The following TLL1 variants were observed in gnomAD, a reference collection of about 807,000 sequenced individuals.
TLL1 encodes tolloid like 1.
In TLL1, 49 loss-of-function variants were observed where a neutral mutation model predicts 128.2. That is an observed-to-expected ratio of 0.38 (90% confidence interval 0.30 to 0.48). TLL1 has a LOEUF of 0.48. Among genes scored for constraint, TLL1 ranks in the 20% least tolerant of loss-of-function variants. The probability of loss-of-function intolerance (pLI) is 0.96; values close to 1 mark genes in which losing one functional copy is unlikely to be tolerated. For missense variants in TLL1, 1,123 were observed against 1,242.0 expected (o/e 0.90, Z 1.44); for synonymous variants, 454 against 418.8 (o/e 1.08, Z -1.03).
intron 5 of TLL1, among the ~76,000 whole-genome samples, chr4:165,996,468 G>A (rs955078553): frequency 5.3e-5 from 8 of 152,088 alleles, no homozygotes; most frequent in African/African-American, 9.7e-5. Flanking sequence ...AATTAGCCAG[G>A]TGTGTTGGCG....
intron 1 of TLL1, among the ~76,000 whole-genome samples, chr4:165,950,147 T>C (rs1046319067): frequency 6.6e-6 from 1 of 152,038 alleles, no homozygotes; most frequent in African/African-American, 2.4e-5. Context: ...TAAAGAAGAC[T>C]TCAGAACCAG....
At chr4:165,933,088 C>G (rs1178708421) in intron 1 of TLL1, among the ~76,000 whole-genome samples, 1 of 152,194 alleles carries the variant, frequency 6.6e-6, no homozygotes, top group African/African-American at 2.4e-5. Context: ...ATACTCTAGC[C>G]TATCACATGT....
At chr4:165,946,790 A>G (rs763304724) in intron 1 of TLL1, among the ~76,000 whole-genome samples, 2 of 152,142 alleles carry the variant, frequency 1.3e-5, no homozygotes, top group Non-Finnish European at 2.9e-5. Flanking sequence ...GAGGAACATT[A>G]TAGAAAAAGC....
intron 1 of TLL1, among the ~76,000 whole-genome samples, chr4:165,940,266 A>C (rs1196360118): frequency 6.6e-6 from 1 of 151,990 alleles, no homozygotes; most frequent in Non-Finnish European, 1.5e-5. Flanking sequence ...TTGGCAATTA[A>C]ATCTGTTTGG....
intron 1 of TLL1, among the ~76,000 whole-genome samples, chr4:165,894,039 A>G (rs1561011064): frequency 6.6e-6 from 1 of 152,228 alleles, no homozygotes; most frequent in Non-Finnish European, 1.5e-5. Flanking sequence ...TTATCATTAG[A>G]CAAATGGTAG....
intron 3 of TLL1, among the ~76,000 whole-genome samples, chr4:165,993,629 T>C (rs1348608555): frequency 2.0e-5 from 3 of 152,200 alleles, no homozygotes; most frequent in Admixed American, 2.0e-4. Context: ...AGTGGCAGGA[T>C]ATTCATATTG....
intron 1 of TLL1, among the ~76,000 whole-genome samples, chr4:165,912,995 T>A (rs1732608623): frequency 6.6e-6 from 1 of 152,132 alleles, no homozygotes; most frequent in Admixed American, 6.5e-5. Flanking sequence ...CCAGCAAATA[T>A]TTGAAAAAAT....
intron 15 of TLL1, among the ~76,000 whole-genome samples, chr4:166,063,844 C>A (rs1368444079): frequency 6.6e-6 from 1 of 151,750 alleles, no homozygotes; most frequent in African/African-American, 2.4e-5. Flanking sequence ...CGGGGCCTGT[C>A]ATAAGGTGGG....
In TLL1 at chr4:165,978,429, A is replaced by G. The variant is rs142425965; in HGVS notation, c.170-10952A>G. 1.5e-3 allele frequency among the ~76,000 whole-genome samples: 234 copies of G among 152,222 alleles called. 1 individual carries two copies. Among genetic ancestry groups the G allele is most frequent in the African/African-American group, 5.4e-3 (226 of 41,550 alleles). On this transcript the variant is annotated intron_variant, in intron 1 of 20. Coordinates refer to ENST00000061240, the MANE Select transcript of TLL1 (RefSeq NM_012464.5). ...TTCAGAATCAGCCTTCTTCAAACAT[A>G]GTAAAAATGTGGGTTCTTAAAGATA... is the stretch of plus-strand genomic sequence containing the variant.
chr4:166,032,428 T>G (rs952695806), intron 9 of TLL1, among the ~76,000 whole-genome samples: 3 of 152,100 alleles, frequency 2.0e-5, no homozygotes, highest in African/African-American at 7.2e-5. Flanking sequence ...CACTATAAGA[T>G]AGAAAAACAT....
chr4:166,073,003 C>T (rs937608931), intron 16 of TLL1, among the ~76,000 whole-genome samples: 1 of 152,072 alleles, frequency 6.6e-6, no homozygotes, highest in Non-Finnish European at 1.5e-5. Context: ...TTCACTCTAT[C>T]GGGTCTTATA....
At chr4:165,895,684 A>G (rs893266873) in intron 1 of TLL1, among the ~76,000 whole-genome samples, 1 of 148,654 alleles carries the variant, frequency 6.7e-6, no homozygotes, top group Non-Finnish European at 1.5e-5. Flanking sequence ...TCTAAAATTC[A>G]TATAGAAATG....
intron 1 of TLL1, among the ~76,000 whole-genome samples, chr4:165,987,044 C>A (rs904970227): frequency 1.3e-5 from 2 of 152,030 alleles, no homozygotes; most frequent in Non-Finnish European, 2.9e-5. Flanking sequence ...AATGTAGAAT[C>A]TGAGGCTCCT....
At chr4:165,974,142 T>TTTTTC (rs1735763613) in intron 1 of TLL1, among the ~76,000 whole-genome samples, 1 of 110,776 alleles carries the variant, frequency 9.0e-6, no homozygotes, top group Non-Finnish European at 1.7e-5. Flanking sequence ...TCTTTTTTTT[T>TTTTTC]TTTTTTTTTT....
At chr4:165,933,364 A>G (rs1356753963) in intron 1 of TLL1, among the ~76,000 whole-genome samples, 1 of 152,084 alleles carries the variant, frequency 6.6e-6, no homozygotes, top group Admixed American at 6.5e-5. Context: ...CCTGGGAGGC[A>G]ATGATTCCGG....
At chr4:165,997,964 C>T (rs1000066076) in intron 5 of TLL1, among the ~76,000 whole-genome samples, 1 of 152,070 alleles carries the variant, frequency 6.6e-6, no homozygotes, top group Admixed American at 6.5e-5. Flanking sequence ...TTTACATTTG[C>T]ATTTAGTACA....
intron 1 of TLL1, among the ~76,000 whole-genome samples, chr4:165,977,432 G>A (rs111957228): frequency 7.9e-5 from 12 of 152,218 alleles, no homozygotes; most frequent in East Asian, 5.8e-4. Context: ...CTCTCCAATC[G>A]TGTGGATCAG....
chr4:166,099,283 G>A lies in TLL1; in HGVS notation c.2663G>A (p.Gly888Asp), dbSNP rs550988599. The change falls in exon 20 of 21, where the codon GGC becomes GAC. Residue 888 changes from glycine (G) to aspartate (D), a missense_variant. This residue lies in a region of TLL1 where 634 missense variants were observed against 672.4 expected (regional missense o/e 0.94). Transcript: ENST00000061240. The part of the protein sequence containing the change: ...GFQATHSTEC[G>D]GRLKAESKPR... ...ATTTTTCTTTCCTGGGCAGAGTGTG[G>A]CGGACGATTGAAAGCAGAATCAAAA... 1.9e-6 allele frequency: 3 copies of A among 1,613,484 alleles called. No individual in the cohort carries two copies. The South Asian group carries it at 3.3e-5, about 18-fold the overall frequency.
chr4:165,985,465 G>A (rs961637130), intron 1 of TLL1, among the ~76,000 whole-genome samples: 5 of 151,986 alleles, frequency 3.3e-5, no homozygotes, highest in Admixed American at 6.6e-5. Flanking sequence ...TCTTTACTTT[G>A]TGTAACCCCT....
Sources: gnomAD v4.1 joint callset for allele counts (sites outside exome capture counted in the v4.1 genomes callset) on GRCh38, gnomAD v4.1.1 for gene constraint, gnomAD v4.1.1 regional missense constraint, MANE v1.5 for transcripts, NCBI Gene and HGNC (gene_info 2026-07-23, HGNC 2026-07-21) for gene names.